Variants in DISP1 observed in about 807,000 individuals in gnomAD.
DISP1 encodes dispatched RND transporter family member 1.
In DISP1, 30 loss-of-function variants were observed where a neutral mutation model predicts 37.3. That is an observed-to-expected ratio of 0.80 (90% CI 0.60 to 1.09). DISP1 has a LOEUF of 1.09. Among genes scored for constraint, DISP1 ranks in the 50% least tolerant of loss-of-function variants. The probability of loss-of-function intolerance (pLI) is 0.00; values close to 1 mark genes in which losing one functional copy is unlikely to be tolerated. For missense variants in DISP1, 1,598 were observed against 1,879.5 expected (o/e 0.85, Z 2.77); for synonymous variants, 634 against 690.2 (o/e 0.92, Z 1.28).
chr1:222,979,056 A>T (rs936076151), intron 3 of DISP1, among the ~76,000 whole-genome samples: 3 of 152,116 alleles, frequency 2.0e-5, no homozygotes, highest in African/African-American at 7.2e-5. Flanking sequence ...AATTCTGTGA[A>T]GAAAGTCATT....
rs1679819038 is a variant in DISP1, at chr1:223,005,303, T to G, written c.3906T>G (p.Thr1302=). The change falls in exon 9 of 9, where the codon ACT becomes ACG. Residue 1302 remains threonine (T), a synonymous_variant. Coordinates refer to ENST00000675850, the MANE Select transcript of DISP1 (RefSeq NM_001377229.1). The part of the protein sequence containing the change: ...DCLCHQCSPT[T]SSFVQIQNGV... ...TGTGCCACCAGTGCTCTCCTACCAC[T>G]AGCAGCTTTGTCCAGATCCAAAACG... 13 of 1,613,568 alleles carry G rather than the reference T, an allele frequency of 8.1e-6. No individual in the cohort carries two copies. Among genetic ancestry groups the G allele is most frequent in the Middle Eastern group, 3.3e-4 (2 of 6,084 alleles).
At position 223,005,510 on chromosome 1, in the gene DISP1, G is replaced by A; in HGVS notation, c.4113G>A (p.Lys1371=). The A allele has an allele frequency of 6.2e-7, 1 of 1,614,010 alleles. No homozygotes were observed. Among genetic ancestry groups the A allele is most frequent in the Non-Finnish European group, 8.5e-7 (1 of 1,180,028 alleles). The change falls in exon 9 of 9, where the codon AAG becomes AAA. Residue 1371 remains lysine, a synonymous_variant. Transcript: ENST00000675850. ...TTCAGGCCCAAGAAAAAATTGGCAAGACCAATGTACACAGTCTTCAGAGGA... is the reference window on the plus strand; with the variant it reads ...TTCAGGCCCAAGAAAAAATTGGCAAAACCAATGTACACAGTCTTCAGAGGA... ...QHIQAQEKIG[K]TNVHSLQRSI...
At chr1:222,837,269 A>G (rs1132371) in intron 1 of DISP1, 48,743 of 390,166 alleles carry the variant, frequency 0.12, 3,647 homozygotes, top group South Asian at 0.16. Context: ...TGATGAAGAC[A>G]GCAGAACTGA....
At chr1:222,841,236 A>G (rs888251022) in intron 1 of DISP1, among the ~76,000 whole-genome samples, 4 of 152,086 alleles carry the variant, frequency 2.6e-5, no homozygotes, top group Non-Finnish European at 4.4e-5. Context: ...TTAAAAGCTT[A>G]TTATACATTA....
chr1:222,902,892 G>C (rs58602982), intron 1 of DISP1, among the ~76,000 whole-genome samples: 9,604 of 150,796 alleles, frequency 0.064, 389 homozygotes, highest in East Asian at 0.23. Context: ...AGTCAGTGTG[G>C]CGATTCCTCA....
In DISP1 at chr1:223,003,972, T is replaced by C; in HGVS notation, c.2575T>C (p.Trp859Arg). ...TSCFIETFKQ[W>R]MENQDCDEPA... ...CTGCTTCATTGAGACATTCAAACAGTGGATGGAAAACCAGGACTGTGATGA... is the reference window on the plus strand; with the variant it reads ...CTGCTTCATTGAGACATTCAAACAGCGGATGGAAAACCAGGACTGTGATGA... Residue 859 changes from tryptophan (W) to arginine (R), a missense_variant, in exon 9 of 9, where the codon TGG becomes CGG. Transcript: ENST00000675850. This position sits in a 1 kb window ranked among gnomAD's most constrained non-coding sequence, Gnocchi z 4.3. 6.2e-7 allele frequency: 1 copy of C among 1,614,114 alleles called. No individual in the cohort carries two copies. Among genetic ancestry groups the C allele is most frequent in the Non-Finnish European group, 8.5e-7 (1 of 1,180,014 alleles).
intron 1 of DISP1, among the ~76,000 whole-genome samples, chr1:222,895,435 A>T (rs956540102): frequency 6.7e-6 from 1 of 149,516 alleles, no homozygotes; most frequent in Admixed American, 6.6e-5. Flanking sequence ...TGATTTTTTA[A>T]AAAAATGATG....
rs1211734741 is a variant in DISP1, at chr1:223,004,284, A to G, written c.2887A>G (p.Ser963Gly). ...SELSSAPEGL[S>G]NGWFVSNLEF... ...GCTGAGTTCGGCCCCTGAAGGCCTC[A>G]GCAATGGTTGGTTTGTCAGCAATCT... The change falls in exon 9 of 9, where the codon AGC (serine) becomes GGC (glycine). Residue 963 changes from serine to glycine, a missense_variant. Physicochemically the swap from Ser to Gly is moderately conservative, Grantham distance 56. Coordinates refer to ENST00000675850, the MANE Select transcript of DISP1 (RefSeq NM_001377229.1). This position sits in a 1 kb window ranked among gnomAD's most constrained non-coding sequence, Gnocchi z 4.9. 10 of 1,614,152 alleles carry G rather than the reference A, an allele frequency of 6.2e-6. No individual in the cohort carries two copies. The highest frequency in any genetic ancestry group is 2.2e-5 in the South Asian group (2 of 91,084).
At chr1:222,917,504 G>C (rs1212620900) in intron 1 of DISP1, among the ~76,000 whole-genome samples, 1 of 152,224 alleles carries the variant, frequency 6.6e-6, no homozygotes, top group African/African-American at 2.4e-5. Context: ...AAGAGGTAAA[G>C]AGAATGGGAA....
intron 4 of DISP1, among the ~76,000 whole-genome samples, chr1:222,987,191 T>C (rs1351804992): frequency 6.6e-6 from 1 of 152,242 alleles, no homozygotes; most frequent in Non-Finnish European, 1.5e-5. Flanking sequence ...GGATTTCATA[T>C]TGCGCAGGCA....
At chr1:222,877,272 T>C (rs963777359) in intron 1 of DISP1, among the ~76,000 whole-genome samples, 1 of 152,188 alleles carries the variant, frequency 6.6e-6, no homozygotes, top group Non-Finnish European at 1.5e-5. Context: ...ATAGGTTTAA[T>C]GGATTTACAG....
chr1:222,815,624 A>G (rs1661004014), intron 1 of DISP1, among the ~76,000 whole-genome samples: 1 of 152,124 alleles, frequency 6.6e-6, no homozygotes. Flanking sequence ...TTGTTTTTAG[A>G]AATATATCCC....
intron 1 of DISP1, among the ~76,000 whole-genome samples, chr1:222,862,458 T>C (rs1213872766): frequency 6.6e-6 from 1 of 151,930 alleles, no homozygotes; most frequent in Non-Finnish European, 1.5e-5. Context: ...TTAACATTGA[T>C]ATAATTTAAC....
At chr1:222,941,507 G>T (rs1363688301) in intron 2 of DISP1, among the ~76,000 whole-genome samples, 2 of 152,188 alleles carry the variant, frequency 1.3e-5, no homozygotes, top group Admixed American at 6.5e-5. Context: ...CCTATTGCAT[G>T]ATGTTTATTT....
chr1:222,887,484 TTG>T, intron 1 of DISP1, among the ~76,000 whole-genome samples: 1 of 125,632 alleles, frequency 8.0e-6, no homozygotes, highest in Non-Finnish European at 1.8e-5. Flanking sequence ...CACATTGTTT[TTG>T]TTTTTTTTTT....
intron 2 of DISP1, among the ~76,000 whole-genome samples, chr1:222,935,294 G>A (rs1385000569): frequency 6.6e-6 from 1 of 152,198 alleles, no homozygotes; most frequent in South Asian, 2.1e-4. Flanking sequence ...AAGGGATCTT[G>A]TTGGTGATCC....
intron 7 of DISP1, among the ~76,000 whole-genome samples, chr1:222,994,541 G>C (rs534892861): frequency 6.6e-6 from 1 of 152,138 alleles, no homozygotes; most frequent in South Asian, 2.1e-4. Flanking sequence ...GTATTAGGGT[G>C]ATGTGTTGTG....
chr1:222,815,536 A>G (rs1429413224), intron 1 of DISP1, among the ~76,000 whole-genome samples: 1 of 152,152 alleles, frequency 6.6e-6, no homozygotes, highest in Non-Finnish European at 1.5e-5. Context: ...TCTTGACCTA[A>G]CGAACCAGAA....
At chr1:222,860,221 A>G (rs61840264) in intron 1 of DISP1, among the ~76,000 whole-genome samples, 29,980 of 151,978 alleles carry the variant, frequency 0.2, 3,562 homozygotes, top group Non-Finnish European at 0.26. Context: ...GGCCCGGCTA[A>G]TTTTGTATCT....
Sources: allele counts gnomAD v4.1 joint callset (sites outside exome capture counted in the v4.1 genomes callset), GRCh38; gene constraint gnomAD v4.1.1; non-coding constraint Gnocchi (gnomAD v3.1); transcripts MANE v1.5; gene names NCBI Gene and HGNC (gene_info 2026-07-23, HGNC 2026-07-21).